OXSR1: variants seen among roughly 807,000 people sequenced by gnomAD.
The protein encoded by OXSR1 is serine/threonine-protein kinase OSR1.
OXSR1 carries 24 observed loss-of-function variants against 79.8 expected under a neutral mutation model. That is an observed-to-expected ratio of 0.30 (90% CI 0.22 to 0.42). The LOEUF (loss-of-function observed/expected upper bound fraction) is 0.42, where lower values mean the gene tolerates loss of function less well. Ranked by LOEUF, OXSR1 falls within the 10% of genes least tolerant of loss-of-function variation. OXSR1 has a pLI of 1.00. For missense variants in OXSR1, 430 were observed against 618.4 expected, an observed-to-expected ratio of 0.70 and a Z score of 3.23; for synonymous variants, 226 against 209.2, an observed-to-expected ratio of 1.08 and a Z score of -0.69.
chr3:38,252,785 A>G (rs1334799856), intron 17 of OXSR1, 32 bp from the exon 18 acceptor site: 1 of 1,562,664 alleles, frequency 6.4e-7, no homozygotes, highest in African/African-American at 1.4e-5. Context: ...GTTTATAAAT[A>G]ATCACAGTTT....
chr3:38,213,395 G>C (rs1030160716), intron 4 of OXSR1, among the ~76,000 whole-genome samples: 12 of 152,056 alleles, frequency 7.9e-5, no homozygotes, highest in African/African-American at 2.9e-4. Context: ...CCTCAAAACT[G>C]TCAAGATTCT....
intron 1 of OXSR1, among the ~76,000 whole-genome samples, chr3:38,182,415 T>C (rs544616674): frequency 6.6e-6 from 1 of 152,370 alleles, no homozygotes; most frequent in Non-Finnish European, 1.5e-5. Flanking sequence ...CTGGAAAATG[T>C]ATCTCTCTGC....
At chr3:38,183,413 A>G (rs907956293) in intron 2 of OXSR1, among the ~76,000 whole-genome samples, 1 of 152,208 alleles carries the variant, frequency 6.6e-6, no homozygotes, top group Admixed American at 6.5e-5. Context: ...ATAATTTATC[A>G]TAGAACTTTT....
At chr3:38,198,683 AT>A in intron 3 of OXSR1, 38 bp from the exon 4 acceptor site, 1 of 1,528,700 alleles carries the variant, frequency 6.5e-7, no homozygotes, top group Non-Finnish European at 9.0e-7. Context: ...ATATTGAATG[AT>A]TTAGAGATTT....
rs1338171444 is a variant in OXSR1 at position 38,230,293 on chromosome 3, T to G, written c.886-72T>G. On this transcript the variant is annotated intron_variant, in intron 9 of 17. Coordinates refer to ENST00000311806, the MANE Select transcript of OXSR1 (RefSeq NM_005109.3). ...TTACTATATCACATTTTGATTATGGTGAACTTTTTTGTGGGTTTTTTTTGG... is the reference window on the plus strand; with the variant it reads ...TTACTATATCACATTTTGATTATGGGGAACTTTTTTGTGGGTTTTTTTTGG... The G allele has an allele frequency of 3.3e-6, 3 of 902,922 alleles. No individual in the cohort carries two copies. The African/African-American group carries it at 5.1e-5, about 15-fold the overall frequency. The allele number at this position is 902,922 out of a possible 1,614,324, so 55.9% of individuals were successfully genotyped here.
intron 4 of OXSR1, among the ~76,000 whole-genome samples, chr3:38,199,830 C>T (rs556577120): frequency 6.6e-6 from 1 of 152,164 alleles, no homozygotes; most frequent in Non-Finnish European, 1.5e-5. Flanking sequence ...AGATGCTGGA[C>T]TCAGGACTCA....
At chr3:38,208,089 A>G (rs1164565531) in intron 4 of OXSR1, among the ~76,000 whole-genome samples, 1 of 151,960 alleles carries the variant, frequency 6.6e-6, no homozygotes, top group South Asian at 2.1e-4. Flanking sequence ...GCTAATATCA[A>G]GGTATGCATA....
intron 1 of OXSR1, among the ~76,000 whole-genome samples, chr3:38,171,567 C>T (rs1701582572): frequency 6.6e-6 from 1 of 152,106 alleles, no homozygotes; most frequent in African/African-American, 2.4e-5. Context: ...TTGTTTCTCA[C>T]ATTCTGTTTT....
At chr3:38,193,879 C>T (rs1702027860) in intron 3 of OXSR1, among the ~76,000 whole-genome samples, 1 of 152,154 alleles carries the variant, frequency 6.6e-6, no homozygotes, top group Admixed American at 6.5e-5. Flanking sequence ...ATGATCATTA[C>T]ATCTAAACCT....
At chr3:38,172,692 G>T (rs1701604809) in intron 1 of OXSR1, among the ~76,000 whole-genome samples, 1 of 152,148 alleles carries the variant, frequency 6.6e-6, no homozygotes, top group Non-Finnish European at 1.5e-5. Flanking sequence ...GTGCTTAATA[G>T]TGTATTTTTC....
At chr3:38,166,530 C>A (rs907397423) in intron 1 of OXSR1, among the ~76,000 whole-genome samples, 2 of 152,052 alleles carry the variant, frequency 1.3e-5, no homozygotes, top group Non-Finnish European at 2.9e-5. Flanking sequence ...TGGTGGCTCA[C>A]GCCTGTAATC....
chr3:38,232,431 C>A (rs1271590978), intron 10 of OXSR1, among the ~76,000 whole-genome samples: 2 of 151,416 alleles, frequency 1.3e-5, no homozygotes, highest in Non-Finnish European at 2.9e-5. Flanking sequence ...ACCCTCCTGC[C>A]AAAAATTACC....
At chr3:38,205,461 C>T (rs559406976) in intron 4 of OXSR1, among the ~76,000 whole-genome samples, 1 of 152,270 alleles carries the variant, frequency 6.6e-6, no homozygotes, top group African/African-American at 2.4e-5. Flanking sequence ...CCTTTTGTCT[C>T]CTATGCTCAT....
At chr3:38,172,991 CT>C (rs1396683755) in intron 1 of OXSR1, among the ~76,000 whole-genome samples, 3 of 152,178 alleles carry the variant, frequency 2.0e-5, no homozygotes, top group African/African-American at 7.2e-5. Flanking sequence ...TAGACTCATG[CT>C]TGTGTTCTTG....
At chr3:38,216,914 A>G (rs1449399886) in intron 5 of OXSR1, among the ~76,000 whole-genome samples, 1 of 152,230 alleles carries the variant, frequency 6.6e-6, no homozygotes, top group Non-Finnish European at 1.5e-5. Flanking sequence ...GGAAAGATTG[A>G]TAAATTTGAC....
intron 4 of OXSR1, among the ~76,000 whole-genome samples, chr3:38,213,412 CAAAG>C (rs773617604): frequency 3.3e-5 from 5 of 151,960 alleles, no homozygotes; most frequent in African/African-American, 7.2e-5. Flanking sequence ...TTCTCAAAAA[CAAAG>C]AAAACGTGAA....
At chr3:38,217,737 G>T (rs1257272372) in intron 5 of OXSR1, among the ~76,000 whole-genome samples, 1 of 152,046 alleles carries the variant, frequency 6.6e-6, no homozygotes, top group Non-Finnish European at 1.5e-5. Flanking sequence ...ATGTTGGCCA[G>T]GCTGGTCCTG....
chr3:38,252,723 C>A, intron 17 of OXSR1, 94 bp from the exon 18 acceptor site: 1 of 972,218 alleles, frequency 1.0e-6, no homozygotes, highest in Non-Finnish European at 1.6e-6. Context: ...CTGTTGCCCA[C>A]TGCCTACCTT....
At chr3:38,229,542 G>T (rs1325123121) in intron 8 of OXSR1, 145 bp from the exon 9 acceptor site, 10 of 567,550 alleles carry the variant, frequency 1.8e-5, no homozygotes, top group Non-Finnish European at 2.8e-5. Flanking sequence ...TTTTACTTTT[G>T]CTTTTTAGCA....
Sources: gnomAD v4.1 joint callset for allele counts (sites outside exome capture counted in the v4.1 genomes callset) on GRCh38, gnomAD v4.1.1 for gene constraint, MANE v1.5 for transcripts, NCBI Gene and HGNC (gene_info 2026-07-23, HGNC 2026-07-21) for gene names.